Variants in PNO1 observed in about 807,000 individuals in gnomAD.
PNO1 encodes RNA-binding protein PNO1.
In PNO1, 16 loss-of-function variants were observed where a neutral mutation model predicts 28.4. The ratio of observed to expected loss-of-function variants is 0.56; its 90% confidence interval spans 0.38 to 0.85. The LOEUF (loss-of-function observed/expected upper bound fraction) is 0.85. Ranked by LOEUF, PNO1 falls within the 40% of genes least tolerant of loss-of-function variation. The probability of loss-of-function intolerance (pLI) is 0.00; values close to 1 mark genes in which losing one functional copy is unlikely to be tolerated. For synonymous variants in PNO1, 115 were observed against 110.8 expected, an observed-to-expected ratio of 1.04 and a Z score of -0.24; for missense variants, 304 against 312.2, an observed-to-expected ratio of 0.97 and a Z score of 0.20.
chr2:68,169,179 T>A lies in PNO1; in HGVS notation c.621-4168T>A, dbSNP rs1558621222. ...CTCGTGACCTCGCAGTCCACCCGCC[T>A]CGGGCTCCCAAAGTGCTGGGATTAC... On this transcript the variant is annotated intron_variant, in intron 5 of 6. Coordinates refer to ENST00000263657, the MANE Select transcript of PNO1 (RefSeq NM_020143.4). Among the ~76,000 whole-genome samples the A allele has an allele frequency of 4.6e-5, 7 of 152,228 alleles. No individual in the cohort carries two copies. In the South Asian group the frequency reaches 1.5e-3, roughly 32 times the overall value.
intron 5 of PNO1, among the ~76,000 whole-genome samples, chr2:68,172,709 T>C (rs1674162345): frequency 6.6e-6 from 1 of 152,346 alleles, no homozygotes; most frequent in South Asian, 2.1e-4. Context: ...TGTGTCGTCT[T>C]GGGCAGGCTT....
chr2:68,174,710 A>T, intron 6 of PNO1, 25 bp from the exon 7 acceptor site: 1 of 1,537,488 alleles, frequency 6.5e-7, no homozygotes, highest in Non-Finnish European at 9.0e-7. Context: ...TTATTTGTGT[A>T]TATACTTTTT....
Position 68,158,458 on chromosome 2 carries a change from T to C in PNO1, c.286T>C (p.Phe96Leu), listed in dbSNP as rs201777481. Residue 96 changes from phenylalanine (F) to leucine (L), a missense_variant, in exon 2 of 7, where the codon TTT (phenylalanine) becomes CTT (leucine). Physicochemically the swap from Phe to Leu is conservative, Grantham distance 22. Transcript: ENST00000263657. Reference sequence around the variant, plus strand: ...ATTGAAAGAAAACTGGATGAAGATATTTACTCCTATTGTGGAACATTTGGG... The same window carrying C: ...ATTGAAAGAAAACTGGATGAAGATACTTACTCCTATTGTGGAACATTTGGG... ...TPLKENWMKIFTPIVEHLGLQ... is the reference protein window; with the variant it reads ...TPLKENWMKILTPIVEHLGLQ... 382 of 1,613,084 alleles carry C rather than the reference T, an allele frequency of 2.4e-4. 4 individuals carry two copies. The highest frequency in any genetic ancestry group is 1.1e-3 in the Admixed American group (65 of 59,994).
At chr2:68,163,522 C>T (rs1215229391) in intron 5 of PNO1, among the ~76,000 whole-genome samples, 3 of 151,264 alleles carry the variant, frequency 2.0e-5, no homozygotes, top group Non-Finnish European at 4.4e-5. Context: ...CAGAGTGAGA[C>T]TCTGTCTCAA....
At chr2:68,170,198 C>A (rs1420758956) in intron 5 of PNO1, among the ~76,000 whole-genome samples, 1 of 152,076 alleles carries the variant, frequency 6.6e-6, no homozygotes, top group Non-Finnish European at 1.5e-5. Flanking sequence ...AATAACCTGG[C>A]AAAATACAGT....
In PNO1 at chr2:68,157,939, A is replaced by T. The variant is rs1271110254; in HGVS notation, c.5A>T (p.Glu2Val). Reference sequence around the variant, plus strand: ...AGCGCTTTAAGATTTCCGGGGATGGAATCCGAAATGGAAACGCAGAGCGCC... The same window carrying T: ...AGCGCTTTAAGATTTCCGGGGATGGTATCCGAAATGGAAACGCAGAGCGCC... M[E>V]SEMETQSARA... Residue 2 changes from glutamate to valine, a missense_variant, in exon 1 of 7, where the codon GAA (glutamate) becomes GTA (valine). By Grantham distance (121) the Glu-to-Val change is moderately radical. Coordinates refer to ENST00000263657, the MANE Select transcript of PNO1 (RefSeq NM_020143.4). 6.2e-7 allele frequency: 1 copy of T among 1,613,762 alleles called. No individual in the cohort carries two copies. Among genetic ancestry groups the T allele is most frequent in the Non-Finnish European group, 8.5e-7 (1 of 1,179,928 alleles).
chr2:68,163,540 A>ATACATAC (rs1673892293), intron 5 of PNO1, among the ~76,000 whole-genome samples: 7 of 136,072 alleles, frequency 5.1e-5, no homozygotes, highest in African/African-American at 1.6e-4. Flanking sequence ...CAAATAAATA[A>ATACATAC]ATACATACAT....
intron 6 of PNO1, among the ~76,000 whole-genome samples, 188 bp downstream of exon 6, chr2:68,173,605 CAG>C (rs1320278218): frequency 7.2e-6 from 1 of 139,094 alleles, no homozygotes; most frequent in Admixed American, 7.3e-5. Context: ...TTTTCTGAGC[CAG>C]AGTCTCGCTG....
intron 5 of PNO1, among the ~76,000 whole-genome samples, chr2:68,164,642 A>C (rs1284436417): frequency 6.6e-6 from 1 of 152,014 alleles, no homozygotes; most frequent in East Asian, 1.9e-4. Flanking sequence ...CTCTACAAAA[A>C]ATATAAAAAT....
intron 2 of PNO1, chr2:68,161,101 G>A (rs1027022485): frequency 1.6e-5 from 7 of 426,198 alleles, no homozygotes; most frequent in Admixed American, 5.6e-5. Flanking sequence ...GTTATTTATA[G>A]TACGTGTTAT....
chr2:68,159,149 G>C (rs142447068), intron 2 of PNO1, among the ~76,000 whole-genome samples: 2 of 152,250 alleles, frequency 1.3e-5, no homozygotes, highest in East Asian at 3.9e-4. Flanking sequence ...CATGGTATGA[G>C]CGGTTGGTCA....
intron 2 of PNO1, 128 bp downstream of exon 2, chr2:68,158,657 C>T (rs970947098): frequency 1.3e-5 from 10 of 774,058 alleles, no homozygotes; most frequent in African/African-American, 1.8e-5. Flanking sequence ...AAAAATTTAC[C>T]ATATTGAGTT....
chr2:68,165,181 G>A (rs566753220), intron 5 of PNO1, among the ~76,000 whole-genome samples: 43 of 151,252 alleles, frequency 2.8e-4, no homozygotes, highest in Admixed American at 3.9e-4. Context: ...CGGCTAAAAC[G>A]GTGAAACCCT....
rs138941411 is a variant in PNO1, at chr2:68,169,509, C to G, written c.621-3838C>G. Among the ~76,000 whole-genome samples, 414 of 152,226 alleles carry G rather than the reference C, an allele frequency of 2.7e-3. 2 individuals are homozygous for G. Among genetic ancestry groups the G allele is most frequent in the African/African-American group, 6.3e-3 (260 of 41,512 alleles). On this transcript the variant is annotated intron_variant, in intron 5 of 6. Transcript: ENST00000263657. ...TAAGTGGATACTTGCAACACCTGAG[C>G]TCACCACAAGAGCAATAGGTGGTGG...
rs1392731599 is a variant in PNO1, at chr2:68,175,163, A to T, written c.*361A>T. The stretch of plus-strand genomic sequence containing the variant: ...TATATTTATAAATTTATAACTTCAT[A>T]CAAATTTATAAACATTTCTTTATAA... On this transcript the variant is annotated 3_prime_UTR_variant, in exon 7 of 7. Transcript: ENST00000263657. 1 of 159,108 alleles carries T rather than the reference A, an allele frequency of 6.3e-6. No homozygotes were observed. The allele number at this position is 159,108 out of a possible 1,614,324, so 9.9% of individuals were successfully genotyped here. A position where few individuals can be genotyped will look rare whatever the true frequency, so the allele number is the denominator to read the frequency against.
chr2:68,160,635 C>T (rs1673806891), intron 2 of PNO1, among the ~76,000 whole-genome samples: 2 of 152,212 alleles, frequency 1.3e-5, no homozygotes, highest in Admixed American at 6.5e-5. Context: ...ATCATTTAGT[C>T]TTCAGGATAT....
chr2:68,164,701 G>A (rs1673929931), intron 5 of PNO1, among the ~76,000 whole-genome samples: 3 of 152,252 alleles, frequency 2.0e-5, no homozygotes, highest in South Asian at 2.1e-4. Context: ...GGAGGCTCAG[G>A]TGGGAGGATT....
At position 68,174,785 on chromosome 2, in the gene PNO1, TCAG is replaced by T. The variant is rs1674229372; in HGVS notation, c.746_748del (p.Ala249del). ...CAATATTCGAGCTGTGGCTAGCAGA[TCAG>T]CAGATCGATTCTGATTTCAAGTCAG... On this transcript the variant is annotated inframe_deletion, in exon 7 of 7. Coordinates refer to ENST00000263657, the MANE Select transcript of PNO1 (RefSeq NM_020143.4). The T allele has an allele frequency of 6.2e-7, 1 of 1,607,660 alleles. No homozygotes were observed. Among genetic ancestry groups the T allele is most frequent in the Non-Finnish European group, 8.5e-7 (1 of 1,174,594 alleles).
intron 2 of PNO1, 185 bp from the exon 3 acceptor site, chr2:68,161,498 G>GT: frequency 8.7e-6 from 5 of 572,862 alleles, no homozygotes; most frequent in Non-Finnish European, 1.3e-5. Context: ...AGCTGGGAAC[G>GT]TTTTGTTTTG....
Sources: gnomAD v4.1 joint callset for allele counts (sites outside exome capture counted in the v4.1 genomes callset) on GRCh38, gnomAD v4.1.1 for gene constraint, MANE v1.5 for transcripts, NCBI Gene and HGNC (gene_info 2026-07-23, HGNC 2026-07-21) for gene names.